The following TPRG1 variants were observed in gnomAD, a reference collection of about 807,000 sequenced individuals.
The protein encoded by TPRG1 is tumor protein p63-regulated gene 1 protein.
Under a neutral mutation model 29.3 loss-of-function variants are expected in TPRG1, and 29 were observed. That is an observed-to-expected ratio of 0.99 (90% CI 0.74 to 1.35). TPRG1 has a LOEUF of 1.35. Among genes scored for constraint, TPRG1 ranks in the 40% most tolerant of loss-of-function variants. The pLI is 0.00. For synonymous variants in TPRG1, 130 were observed against 116.8 expected, an observed-to-expected ratio of 1.11 and a Z score of -0.73; for missense variants, 327 against 335.0, an observed-to-expected ratio of 0.98 and a Z score of 0.19.
chr3:189,031,092 C>A (rs547546334), intron 4 of TPRG1, among the ~76,000 whole-genome samples: 21 of 152,004 alleles, frequency 1.4e-4, no homozygotes, highest in Non-Finnish European at 2.6e-4. Context: ...ACCAGCCTGG[C>A]CAACATGGAG....
intron 4 of TPRG1, among the ~76,000 whole-genome samples, chr3:189,036,071 C>T (rs756560096): frequency 7.2e-5 from 11 of 151,768 alleles, no homozygotes; most frequent in Non-Finnish European, 2.9e-5. Context: ...CCATATACAC[C>T]ATGGAATATT....
chr3:189,256,896 G>A (rs1385241886), intron 4 of TPRG1, among the ~76,000 whole-genome samples: 2 of 152,114 alleles, frequency 1.3e-5, no homozygotes, highest in Non-Finnish European at 2.9e-5. Context: ...GCCTATGTGT[G>A]TCTTTGCAAG....
chr3:189,161,251 C>G (rs551301351), intron 5 of TPRG1, among the ~76,000 whole-genome samples: 1 of 152,110 alleles, frequency 6.6e-6, no homozygotes, highest in Admixed American at 6.5e-5. Context: ...ACAGGCAAGG[C>G]CTCTCTCATT....
chr3:189,052,418 C>A (rs925982878), intron 4 of TPRG1, among the ~76,000 whole-genome samples: 17 of 152,048 alleles, frequency 1.1e-4, no homozygotes, highest in Non-Finnish European at 2.9e-5. Context: ...CGAGAATGGC[C>A]ATAATCAAGA....
rs572248993 is a variant in TPRG1, at chr3:189,262,987, G to C, written c.479+24078G>C. The stretch of plus-strand genomic sequence containing the variant: ...ATGGCAAGAGAGAGAGCAAGAGAGA[G>C]AATGAGACGTTGAGCAAAATAGAAG... On this transcript the variant is annotated intron_variant, in intron 4 of 5. Transcript: ENST00000345063. 1.6e-4 allele frequency among the ~76,000 whole-genome samples: 24 copies of C among 152,346 alleles called. 1 individual carries two copies. Among genetic ancestry groups the C allele is most frequent in the Middle Eastern group, 6.8e-3 (2 of 294 alleles).
intron 4 of TPRG1, 72 bp downstream of exon 4, chr3:189,238,981 TC>T: frequency 7.0e-7 from 1 of 1,423,280 alleles, no homozygotes; most frequent in South Asian, 1.5e-5. Context: ...AGCCGAAAAT[TC>T]AGTTTGGCCC....
intron 4 of TPRG1, among the ~76,000 whole-genome samples, chr3:189,071,924 A>C (rs73048783): frequency 0.027 from 4,116 of 152,284 alleles, 177 homozygotes; most frequent in African/African-American, 0.092. Context: ...TGGGTTCGGG[A>C]AAACTGTAGA....
In TPRG1 at chr3:189,322,220, A is replaced by G. The variant is rs1320146794; in HGVS notation, c.*1400A>G. ...TCCAGCCAACTTTTTTTTGACTTTT[A>G]TGTGAAGTTTAAAGTCTTTTCTTTG... On this transcript the variant is annotated 3_prime_UTR_variant, in exon 6 of 6. Coordinates refer to ENST00000345063, the MANE Select transcript of TPRG1 (RefSeq NM_198485.4). 1.3e-5 allele frequency: 2 copies of G among 152,024 alleles called. No homozygotes were observed. The highest frequency in any genetic ancestry group is 2.9e-5 in the Non-Finnish European group (2 of 67,976). The allele number at this position is 152,024 out of a possible 1,614,324, so 9.4% of individuals were successfully genotyped here.
chr3:189,116,935 G>A (rs1442309873), intron 1 of TPRG1, among the ~76,000 whole-genome samples: 2 of 152,114 alleles, frequency 1.3e-5, no homozygotes, highest in African/African-American at 4.8e-5. Context: ...TTTATGTTAT[G>A]TATATTTTAC....
chr3:189,025,348 G>T (rs1560401547), intron 4 of TPRG1, among the ~76,000 whole-genome samples: 1 of 152,104 alleles, frequency 6.6e-6, no homozygotes, highest in African/African-American at 2.4e-5. Flanking sequence ...GCTCCGTGTT[G>T]CTCCTGGGTG....
intron 5 of TPRG1, among the ~76,000 whole-genome samples, chr3:189,317,086 A>G (rs888806607): frequency 6.6e-6 from 1 of 152,136 alleles, no homozygotes; most frequent in African/African-American, 2.4e-5. Context: ...ACTTTCTAGC[A>G]CTTTGATTTT....
At chr3:189,127,395 G>C (rs570409763) in intron 2 of TPRG1, among the ~76,000 whole-genome samples, 1 of 152,168 alleles carries the variant, frequency 6.6e-6, no homozygotes, top group African/African-American at 2.4e-5. Flanking sequence ...GATCATATAG[G>C]TGCTGACATA....
At chr3:189,126,255 A>C (rs1307825516) in intron 1 of TPRG1, among the ~76,000 whole-genome samples, 1 of 152,148 alleles carries the variant, frequency 6.6e-6, no homozygotes, top group Non-Finnish European at 1.5e-5. Context: ...TGGAGGGTAG[A>C]GCTATATTCT....
intron 3 of TPRG1, among the ~76,000 whole-genome samples, chr3:189,017,402 C>A (rs1713002999): frequency 6.6e-6 from 1 of 151,976 alleles, no homozygotes; most frequent in African/African-American, 2.4e-5. Context: ...ACAACAGTCC[C>A]CAGAGTGTGA....
intron 1 of TPRG1, among the ~76,000 whole-genome samples, chr3:189,114,268 C>T (rs1373652333): frequency 6.6e-6 from 1 of 150,576 alleles, no homozygotes; most frequent in African/African-American, 2.5e-5. Context: ...CTAGATGTTG[C>T]TTGTTTGTTT....
chr3:189,022,002 C>G (rs555525106), intron 3 of TPRG1, among the ~76,000 whole-genome samples: 1 of 152,158 alleles, frequency 6.6e-6, no homozygotes, highest in Non-Finnish European at 1.5e-5. Flanking sequence ...TTACTGATAC[C>G]CTTTCTTCCA....
At chr3:189,096,489 T>C (rs1055199701), upstream of TPRG1, among the ~76,000 whole-genome samples, 13 of 152,248 alleles carry the variant, frequency 8.5e-5, no homozygotes, top group Non-Finnish European at 1.9e-4. Flanking sequence ...TTCCTCATAG[T>C]GTCTGATACC....
chr3:189,295,244 A>G (rs1030517082), intron 4 of TPRG1, among the ~76,000 whole-genome samples: 1 of 152,168 alleles, frequency 6.6e-6, no homozygotes, highest in African/African-American at 2.4e-5. Context: ...TAGAACCCGT[A>G]TCTTTCCTAG....
chr3:189,107,458 G>C (rs1719960756), intron 1 of TPRG1, among the ~76,000 whole-genome samples: 1 of 152,050 alleles, frequency 6.6e-6, no homozygotes, highest in Admixed American at 6.6e-5. Context: ...AACACAAATT[G>C]TCTTCTTTCC....
Sources: gnomAD v4.1 joint callset for allele counts (sites outside exome capture counted in the v4.1 genomes callset) on GRCh38, gnomAD v4.1.1 for gene constraint, MANE v1.5 for transcripts, NCBI Gene and HGNC (gene_info 2026-07-23, HGNC 2026-07-21) for gene names.